PDZRN3: variants seen among roughly 807,000 people sequenced by gnomAD.
PDZRN3 encodes the protein E3 ubiquitin-protein ligase PDZRN3.
Under a neutral mutation model 85.7 loss-of-function variants are expected in PDZRN3, and 38 were observed. The observed-to-expected ratio is 0.44, with a 90% CI of 0.34 to 0.58. The LOEUF (loss-of-function observed/expected upper bound fraction) is 0.58, where lower values mean the gene tolerates loss of function less well. Ranked by LOEUF, PDZRN3 falls within the 20% of genes least tolerant of loss-of-function variation. The pLI is 0.01. For synonymous variants in PDZRN3, 759 were observed against 638.0 expected (o/e 1.19, Z -2.86); for missense variants, 1,629 against 1,506.4 (o/e 1.08, Z -1.35).
At chr3:73,444,913 G>A (rs1702718502) in intron 3 of PDZRN3, among the ~76,000 whole-genome samples, 1 of 152,228 alleles carries the variant, frequency 6.6e-6, no homozygotes, top group East Asian at 1.9e-4. Context: ...GACTAGAGAT[G>A]AAGCAGGTAC....
At chr3:73,621,909 C>G (rs1271761898) in intron 1 of PDZRN3, 2 of 152,154 alleles carry the variant, frequency 1.3e-5, no homozygotes, top group Admixed American at 6.5e-5. Flanking sequence ...ATTTTTGACT[C>G]TGAGGGAGAT....
At chr3:73,544,070 G>A (rs1175226102) in intron 3 of PDZRN3, among the ~76,000 whole-genome samples, 1 of 152,190 alleles carries the variant, frequency 6.6e-6, no homozygotes, top group Non-Finnish European at 1.5e-5. Context: ...AAAATCAGCT[G>A]GGCGTGGTGG....
At chr3:73,489,916 C>T (rs1230560481) in intron 3 of PDZRN3, among the ~76,000 whole-genome samples, 1 of 152,062 alleles carries the variant, frequency 6.6e-6, no homozygotes, top group Non-Finnish European at 1.5e-5. Context: ...GGTGATGGTT[C>T]AGAAGGTCTC....
intron 3 of PDZRN3, among the ~76,000 whole-genome samples, chr3:73,483,043 C>T (rs1199453019): frequency 6.6e-6 from 1 of 152,216 alleles, no homozygotes; most frequent in Non-Finnish European, 1.5e-5. Flanking sequence ...CATGCCTTGC[C>T]TTTGCTTTAT....
intron 3 of PDZRN3, among the ~76,000 whole-genome samples, chr3:73,466,958 G>C (rs1703231513): frequency 6.6e-6 from 1 of 152,028 alleles, no homozygotes; most frequent in East Asian, 1.9e-4. Context: ...AGGACGTTTG[G>C]GTAGATTCTA....
intron 3 of PDZRN3, among the ~76,000 whole-genome samples, chr3:73,517,758 T>C (rs889030450): frequency 2.0e-5 from 3 of 152,248 alleles, no homozygotes; most frequent in Non-Finnish European, 4.4e-5. Flanking sequence ...ACTTTGGTAA[T>C]ATGTTTTGTG....
At chr3:73,485,888 A>G (rs1473034866) in intron 3 of PDZRN3, among the ~76,000 whole-genome samples, 1 of 152,212 alleles carries the variant, frequency 6.6e-6, no homozygotes, top group Non-Finnish European at 1.5e-5. Context: ...TCTAATTACA[A>G]CCAAAAGGCA....
chr3:73,457,532 T>G (rs572141061), intron 3 of PDZRN3, among the ~76,000 whole-genome samples: 99 of 152,084 alleles, frequency 6.5e-4, no homozygotes, highest in Non-Finnish European at 1.1e-3. Context: ...CTAGGGTGCG[T>G]GCTGTTCCAT....
At chr3:73,389,714 C>T in intron 7 of PDZRN3, 102 bp downstream of exon 7, 1 of 851,368 alleles carries the variant, frequency 1.2e-6, no homozygotes, top group East Asian at 2.4e-5. Context: ...GATCCCTGTT[C>T]TTTAACCGCT....
intron 3 of PDZRN3, among the ~76,000 whole-genome samples, chr3:73,586,203 A>G (rs1168290065): frequency 6.6e-6 from 1 of 152,330 alleles, no homozygotes; most frequent in East Asian, 1.9e-4. Context: ...GCTTCTAAAG[A>G]AAGGAACTCT....
In PDZRN3 at chr3:73,443,720, A is replaced by G. The variant is rs1702693371; in HGVS notation, c.919-39325T>C. On this transcript the variant is annotated intron_variant, in intron 3 of 9. Coordinates refer to ENST00000263666, the MANE Select transcript of PDZRN3 (RefSeq NM_015009.3). ...TGTTGCTCAGGCTGGTCTTGAACTCATGGCCTCAAGCGATGTTCCTGTCTT... is the reference window on the plus strand; with the variant it reads ...TGTTGCTCAGGCTGGTCTTGAACTCGTGGCCTCAAGCGATGTTCCTGTCTT... 3.3e-5 allele frequency among the ~76,000 whole-genome samples: 5 copies of G among 151,376 alleles called. No homozygotes were observed. The South Asian group carries it at 1.0e-3, about 32-fold the overall frequency.
intron 3 of PDZRN3, among the ~76,000 whole-genome samples, chr3:73,505,729 T>C (rs1040481940): frequency 7.9e-5 from 12 of 152,124 alleles, no homozygotes; most frequent in Admixed American, 6.5e-5. Context: ...ATATTCAAAC[T>C]GCATCAGTTT....
rs1331091418 is a variant in PDZRN3 at position 73,391,470 on chromosome 3, C to T, written c.1255-354G>A. 2.6e-5 allele frequency among the ~76,000 whole-genome samples: 4 copies of T among 152,218 alleles called. No homozygotes were observed. In the East Asian group the frequency reaches 7.7e-4, roughly 29 times the overall value. ...GAATATTTCCATACCCCAAACCACC[C>T]AGCCATTTCAGTACAAATGTTTCCA... On this transcript the variant is annotated intron_variant, in intron 5 of 9. Transcript: ENST00000263666.
chr3:73,501,081 G>A (rs1559711105), intron 3 of PDZRN3, among the ~76,000 whole-genome samples: 1 of 152,072 alleles, frequency 6.6e-6, no homozygotes, highest in Non-Finnish European at 1.5e-5. Context: ...AGAAATACTT[G>A]TAATTTTTGA....
In PDZRN3 at chr3:73,487,731, G is replaced by A. The variant is rs376453501; in HGVS notation, c.919-83336C>T. ...CCTATAAACAGCTCTTATGTAAGCTGAATAATTCCTGTGTCACTATTTGAG... is the reference window on the plus strand; with the variant it reads ...CCTATAAACAGCTCTTATGTAAGCTAAATAATTCCTGTGTCACTATTTGAG... On this transcript the variant is annotated intron_variant, in intron 3 of 9. Transcript: ENST00000263666. Among the ~76,000 whole-genome samples the A allele has an allele frequency of 2.9e-3, 443 of 152,292 alleles. 2 individuals carry two copies. The highest frequency in any genetic ancestry group is 3.5e-3 in the Non-Finnish European group (241 of 68,026).
chr3:73,451,828 C>T (rs949690980), intron 3 of PDZRN3, among the ~76,000 whole-genome samples: 10 of 150,538 alleles, frequency 6.6e-5, no homozygotes, highest in South Asian at 4.2e-4. Context: ...TATTGAATCC[C>T]GCAGATGCTC....
intron 3 of PDZRN3, among the ~76,000 whole-genome samples, chr3:73,406,764 A>AT (rs1238216539): frequency 6.6e-6 from 1 of 152,154 alleles, no homozygotes; most frequent in African/African-American, 2.4e-5. Context: ...ACTATGGCAT[A>AT]TTTTTCCTTT....
intron 1 of PDZRN3, among the ~76,000 whole-genome samples, chr3:73,620,625 G>T (rs35853691): frequency 1.3e-5 from 2 of 149,458 alleles, no homozygotes; most frequent in Non-Finnish European, 3.0e-5. Context: ...CACCCAGGCC[G>T]GAGTGCAGTG....
At chr3:73,543,508 G>A (rs534362836) in intron 3 of PDZRN3, among the ~76,000 whole-genome samples, 2 of 152,286 alleles carry the variant, frequency 1.3e-5, no homozygotes, top group South Asian at 2.1e-4. Context: ...ATTTATTCTC[G>A]CATGCTTGCA....
Sources: gnomAD v4.1 joint callset for allele counts (sites outside exome capture counted in the v4.1 genomes callset) on GRCh38, gnomAD v4.1.1 for gene constraint, MANE v1.5 for transcripts, NCBI Gene and HGNC (gene_info 2026-07-23, HGNC 2026-07-21) for gene names.